FAR1: variants seen among roughly 807,000 people sequenced by gnomAD.
FAR1 encodes the protein male sterility domain-containing protein 2.
Under a neutral mutation model 61.1 loss-of-function variants are expected in FAR1, and 22 were observed. The ratio of observed to expected loss-of-function variants is 0.36; its 90% CI spans 0.26 to 0.51. The LOEUF is 0.51. Among genes scored for constraint, FAR1 ranks in the 20% least tolerant of loss-of-function variants. The pLI, the probability that FAR1 is intolerant of heterozygous loss-of-function variation, is 0.95. For missense variants in FAR1, 359 were observed against 626.9 expected (o/e 0.57, Z 4.56); for synonymous variants, 206 against 209.7 (o/e 0.98, Z 0.15).
At chr11:13,696,482 C>T (rs1001417692) in intron 2 of FAR1, among the ~76,000 whole-genome samples, 2 of 152,224 alleles carry the variant, frequency 1.3e-5, no homozygotes, top group South Asian at 2.1e-4. Flanking sequence ...GCATCTTCTT[C>T]GGGGTCTTCA....
intron 1 of FAR1, among the ~76,000 whole-genome samples, chr11:13,689,932 G>T (rs1234949): frequency 6.9e-6 from 1 of 145,196 alleles, no homozygotes; most frequent in Non-Finnish European, 1.5e-5. Flanking sequence ...CTGGAGTGCA[G>T]TGGCACGGTC....
intron 1 of FAR1, among the ~76,000 whole-genome samples, chr11:13,687,711 CCAGAGG>C (rs1349383425): frequency 2.0e-5 from 3 of 152,018 alleles, no homozygotes; most frequent in African/African-American, 7.3e-5. Context: ...TTCCTTTGAG[CCAGAGG>C]CAGAGTTTAA....
chr11:13,681,703 A>G (rs1358965173), intron 1 of FAR1, among the ~76,000 whole-genome samples: 1 of 152,240 alleles, frequency 6.6e-6, no homozygotes, highest in African/African-American at 2.4e-5. Context: ...GTCCGGAGCT[A>G]GAACTGCTCA....
chr11:13,707,865 C>A, intron 3 of FAR1, 35 bp from the exon 4 acceptor site: 1 of 1,431,216 alleles, frequency 7.0e-7, no homozygotes, highest in Non-Finnish European at 9.3e-7. Flanking sequence ...ACATAGCTTC[C>A]CAATTTTCTA....
At position 13,728,957 on chromosome 11, in the gene FAR1, C is replaced by T. The variant is rs1039107700; in HGVS notation, c.*183C>T. 1.9e-6 allele frequency: 1 copy of T among 539,228 alleles called. No homozygotes were observed. The highest frequency in any genetic ancestry group is 1.9e-5 in the African/African-American group (1 of 52,370). The allele number at this position is 539,228 out of a possible 1,614,324, so 33.4% of individuals were successfully genotyped here. A position where few individuals can be genotyped will look rare whatever the true frequency, so the allele number is the denominator to read the frequency against. ...TTATGCTCATAAAACTTAGTGAACA[C>T]ACTGTGTTATGCCAGCTCAAATCTA... On this transcript the variant is annotated 3_prime_UTR_variant, in exon 12 of 12. Coordinates refer to ENST00000354817, the MANE Select transcript of FAR1 (RefSeq NM_032228.6).
intron 1 of FAR1, among the ~76,000 whole-genome samples, chr11:13,672,922 G>C (rs937599302): frequency 6.6e-6 from 1 of 152,160 alleles, no homozygotes. Flanking sequence ...TGATAGAATT[G>C]TGTCATTTTA....
Position 13,721,652 on chromosome 11 carries a change from A to C in FAR1, c.1128-78A>C, listed in dbSNP as rs1848610809. On this transcript the variant is annotated intron_variant, in intron 9 of 11. Transcript: ENST00000354817. The surrounding 1 kb of genome is among the most constrained non-coding windows in gnomAD (Gnocchi z 4.2). ...TACTAATGTCTATATTATAGGGGGA[A>C]ACTTGCACCCTGGGTGGTGATAGGA... 1.7e-6 allele frequency: 2 copies of C among 1,202,758 alleles called. No homozygotes were observed. The highest frequency in any genetic ancestry group is 2.4e-6 in the Non-Finnish European group (2 of 845,492). 74.5% of individuals were successfully genotyped at this position (1,202,758 alleles called of 1,614,324 possible). A position where few individuals can be genotyped will look rare whatever the true frequency, so the allele number is the denominator to read the frequency against.
At position 13,728,740 on chromosome 11, in the gene FAR1, C is replaced by T; in HGVS notation, c.1514C>T (p.Ser505Leu). The T allele has an allele frequency of 6.2e-7, 1 of 1,611,998 alleles. No homozygotes were observed. The change falls in exon 12 of 12, where the codon TCA becomes TTA. Residue 505 changes from serine (S) to leucine (L), a missense_variant. Coordinates refer to ENST00000354817, the MANE Select transcript of FAR1 (RefSeq NM_032228.6). ...GTTAGTCTGTGTTACAAGTTTTTGT[C>T]ATACTTCCGAGCATCCAGCACTATG... is the stretch of plus-strand genomic sequence containing the variant. ...FVVSLCYKFL[S>L]YFRASSTMRY
intron 5 of FAR1, 111 bp from the exon 6 acceptor site, chr11:13,711,653 T>TTTC (rs1268860760): frequency 6.0e-6 from 5 of 832,836 alleles, no homozygotes; most frequent in Non-Finnish European, 7.9e-6. Flanking sequence ...GTTTTTTAGT[T>TTTC]TTTAGAAGAC....
intron 1 of FAR1, among the ~76,000 whole-genome samples, chr11:13,676,548 T>A (rs1393355119): frequency 6.6e-6 from 1 of 152,190 alleles, no homozygotes; most frequent in Non-Finnish European, 1.5e-5. Flanking sequence ...AAAGGATTGA[T>A]TCTCAGTGGA....
intron 2 of FAR1, among the ~76,000 whole-genome samples, chr11:13,697,988 G>A (rs1212022346): frequency 6.6e-6 from 1 of 152,044 alleles, no homozygotes; most frequent in Admixed American, 6.6e-5. Context: ...CCTTATTATT[G>A]CTGTTACCTG....
chr11:13,697,370 G>T (rs1024856485), intron 2 of FAR1, among the ~76,000 whole-genome samples: 10 of 152,210 alleles, frequency 6.6e-5, no homozygotes, highest in Admixed American at 1.3e-4. Context: ...GCTGAGGTGG[G>T]AGGATTGCTG....
intron 1 of FAR1, chr11:13,686,562 A>G (rs1375702427): frequency 6.6e-6 from 1 of 152,216 alleles, no homozygotes; most frequent in Non-Finnish European, 1.5e-5. Context: ...ATGACTAGTC[A>G]AGTGCAATAG....
intron 1 of FAR1, among the ~76,000 whole-genome samples, chr11:13,691,490 G>T (rs112835465): frequency 3.3e-5 from 5 of 152,098 alleles, no homozygotes; most frequent in Non-Finnish European, 5.9e-5. Flanking sequence ...TTCATCATTC[G>T]AAAGTAAAAC....
At chr11:13,674,316 A>AAC (rs1848042170) in intron 1 of FAR1, among the ~76,000 whole-genome samples, 1 of 151,482 alleles carries the variant, frequency 6.6e-6, no homozygotes, top group Non-Finnish European at 1.5e-5. Flanking sequence ...CTCAAAAAAA[A>AAC]AAAAAAAAGA....
chr11:13,680,491 T>C (rs1848115962), intron 1 of FAR1, among the ~76,000 whole-genome samples: 1 of 152,216 alleles, frequency 6.6e-6, no homozygotes, highest in African/African-American at 2.4e-5. Flanking sequence ...AAGAGGTTTA[T>C]GTGGCTCACA....
At chr11:13,714,283 C>A (rs1250275012) in intron 8 of FAR1, among the ~76,000 whole-genome samples, 1 of 152,034 alleles carries the variant, frequency 6.6e-6, no homozygotes, top group Non-Finnish European at 1.5e-5. Flanking sequence ...AGCAAAAATT[C>A]ATTCATCTAA....
intron 1 of FAR1, among the ~76,000 whole-genome samples, chr11:13,675,053 CTTTT>C (rs10649288): frequency 3.5e-5 from 5 of 144,134 alleles, no homozygotes; most frequent in African/African-American, 1.0e-4. Flanking sequence ...AATCCCTAGA[CTTTT>C]TTTTTTTTTT....
chr11:13,694,628 C>G, intron 1 of FAR1, 131 bp from the exon 2 acceptor site: 2 of 712,690 alleles, frequency 2.8e-6, no homozygotes, highest in Non-Finnish European at 2.3e-6. Flanking sequence ...GGTTAGAGTC[C>G]TCTCTTGTTA....
Sources: allele counts gnomAD v4.1 joint callset (sites outside exome capture counted in the v4.1 genomes callset), GRCh38; gene constraint gnomAD v4.1.1; non-coding constraint Gnocchi (gnomAD v3.1); transcripts MANE v1.5; gene names NCBI Gene and HGNC (gene_info 2026-07-23, HGNC 2026-07-21).